ATXN2: variants seen among roughly 807,000 people sequenced by gnomAD.
ATXN2 encodes the protein ataxin-2.
In ATXN2, 37 loss-of-function variants were observed where a neutral mutation model predicts 138.6. The ratio of observed to expected loss-of-function variants is 0.27; its 90% CI spans 0.21 to 0.35. The LOEUF is 0.35. Among genes scored for constraint, ATXN2 ranks in the 10% least tolerant of loss-of-function variants. The probability of loss-of-function intolerance (pLI) is 1.00; values close to 1 mark genes in which losing one functional copy is unlikely to be tolerated. For missense variants in ATXN2, 1,216 were observed against 1,480.3 expected, an observed-to-expected ratio of 0.82 and a Z score of 2.93; for synonymous variants, 549 against 543.7, an observed-to-expected ratio of 1.01 and a Z score of -0.13.
rs1390894824 is a variant in ATXN2, at chr12:111,598,419, G to A, written c.251+365C>T. 7.1e-6 allele frequency: 7 copies of A among 985,564 alleles called. No individual in the cohort carries two copies. Among genetic ancestry groups the A allele is most frequent in the African/African-American group, 5.2e-5 (3 of 57,242 alleles). 61.1% of individuals were successfully genotyped at this position (985,564 alleles called of 1,614,324 possible). ...TAAACCGGGAGTGGAGGAGCTGCCC[G>A]AGCATCCCCACGCTGCGGGCGGAGG... On this transcript the variant is annotated intron_variant, in intron 1 of 24. Transcript: ENST00000673436. The surrounding 1 kb of genome is among the most constrained non-coding windows in gnomAD (Gnocchi z 4.5).
At chr12:111,585,046 C>T (rs1884248541) in intron 1 of ATXN2, among the ~76,000 whole-genome samples, 1 of 152,176 alleles carries the variant, frequency 6.6e-6, no homozygotes, top group Non-Finnish European at 1.5e-5. Flanking sequence ...TAATGTGTTT[C>T]ACAATCTACT....
At chr12:111,560,413 G>A (rs1882618026) in intron 1 of ATXN2, among the ~76,000 whole-genome samples, 1 of 151,972 alleles carries the variant, frequency 6.6e-6, no homozygotes, top group African/African-American at 2.4e-5. Flanking sequence ...ATCCAACGGG[G>A]GGGTCCTGGG....
chr12:111,475,206 T>A (rs767114204), intron 18 of ATXN2, among the ~76,000 whole-genome samples: 1 of 150,930 alleles, frequency 6.6e-6, no homozygotes, highest in Non-Finnish European at 1.5e-5. Context: ...AGAGCGAGAC[T>A]CTGTCTCAAA....
intron 14 of ATXN2, among the ~76,000 whole-genome samples, chr12:111,490,408 T>C (rs969814063): frequency 7.9e-5 from 12 of 152,054 alleles, no homozygotes; most frequent in African/African-American, 2.9e-4. Context: ...GGGACCGTCA[T>C]GGAGGCTGGA....
At chr12:111,481,436 C>T (rs1296660671) in intron 18 of ATXN2, among the ~76,000 whole-genome samples, 1 of 151,612 alleles carries the variant, frequency 6.6e-6, no homozygotes, top group Non-Finnish European at 1.5e-5. Context: ...GATCTCAAAA[C>T]AATACAAAAA....
At chr12:111,494,420 G>T (rs902298341) in intron 14 of ATXN2, among the ~76,000 whole-genome samples, 17 of 148,656 alleles carry the variant, frequency 1.1e-4, no homozygotes, top group African/African-American at 3.9e-4. Flanking sequence ...ACCCTTATGT[G>T]ATCTCTTTTT....
At chr12:111,492,919 A>G (rs1042392315) in intron 14 of ATXN2, among the ~76,000 whole-genome samples, 3 of 152,172 alleles carry the variant, frequency 2.0e-5, no homozygotes, top group Non-Finnish European at 4.4e-5. Flanking sequence ...AGAAAGTTCA[A>G]CGAAATCCAA....
At chr12:111,538,711 T>G (rs1050543540) in intron 5 of ATXN2, among the ~76,000 whole-genome samples, 1 of 150,352 alleles carries the variant, frequency 6.7e-6, no homozygotes, top group African/African-American at 2.4e-5. Flanking sequence ...ACTTAAAATT[T>G]GAACTGAAAA....
In ATXN2 at chr12:111,598,482, C is replaced by A. The variant is rs1885052581; in HGVS notation, c.251+302G>T. The A allele has an allele frequency of 1.0e-6, 1 of 985,256 alleles. No homozygotes were observed. The highest frequency in any genetic ancestry group is 1.2e-6 in the Non-Finnish European group (1 of 829,904). 61.0% of individuals were successfully genotyped at this position (985,256 alleles called of 1,614,324 possible). A position where few individuals can be genotyped will look rare whatever the true frequency, so the allele number is the denominator to read the frequency against. On this transcript the variant is annotated intron_variant, in intron 1 of 24. Transcript: ENST00000673436. The surrounding 1 kb of genome is among the most constrained non-coding windows in gnomAD (Gnocchi z 4.5). The stretch of plus-strand genomic sequence containing the variant: ...GGGGAGCCGGGGCTGACCATCGCCG[C>A]TACCCGAGAACCCCTCCCAACACGC...
chr12:111,513,580 T>C (rs372071388), intron 10 of ATXN2, 41 bp from the exon 11 acceptor site: 31 of 1,572,682 alleles, frequency 2.0e-5, no homozygotes, highest in Non-Finnish European at 2.4e-5. Context: ...TTCCATGATA[T>C]TCATCAGTAC....
At chr12:111,505,732 C>T (rs10849953) in intron 14 of ATXN2, among the ~76,000 whole-genome samples, 10,930 of 152,214 alleles carry the variant, frequency 0.072, 1,354 homozygotes, top group East Asian at 0.57. Context: ...AACCCTCATA[C>T]CCTGCTGGTG....
intron 1 of ATXN2, among the ~76,000 whole-genome samples, chr12:111,567,636 A>G (rs1883088113): frequency 6.6e-6 from 1 of 152,046 alleles, no homozygotes; most frequent in Admixed American, 6.6e-5. Flanking sequence ...CAATATGGTG[A>G]AACCCCATCT....
intron 21 of ATXN2, among the ~76,000 whole-genome samples, chr12:111,459,256 A>G (rs1015895281): frequency 6.6e-6 from 1 of 152,220 alleles, no homozygotes; most frequent in Non-Finnish European, 1.5e-5. Context: ...CCATAAGTCT[A>G]TAAGACAGTC....
intron 14 of ATXN2, among the ~76,000 whole-genome samples, chr12:111,506,249 C>T (rs1210132074): frequency 4.6e-5 from 7 of 151,948 alleles, no homozygotes; most frequent in African/African-American, 1.7e-4. Flanking sequence ...AAACTGGGCA[C>T]GGGGTTTCTT....
chr12:111,553,096 A>G (rs1016117583), intron 3 of ATXN2, 119 bp from the exon 4 acceptor site: 3 of 522,134 alleles, frequency 5.7e-6, no homozygotes, highest in Non-Finnish European at 6.3e-6. Flanking sequence ...GTATTCACTA[A>G]CAAAACAATA....
intron 17 of ATXN2, 74 bp from the exon 18 acceptor site, chr12:111,485,405 T>C: frequency 7.2e-7 from 1 of 1,393,938 alleles, no homozygotes; most frequent in Non-Finnish European, 1.0e-6. Flanking sequence ...CTCTTAGTTT[T>C]ATATTGCTAG....
intron 5 of ATXN2, among the ~76,000 whole-genome samples, chr12:111,536,385 TAC>T: frequency 6.6e-6 from 1 of 152,240 alleles, no homozygotes; most frequent in Admixed American, 6.5e-5. Flanking sequence ...AAAAAAAATC[TAC>T]AGTGAGATAC....
At position 111,592,989 on chromosome 12, in the gene ATXN2, T is replaced by C. The variant is rs533301385; in HGVS notation, c.251+5795A>G. Among the ~76,000 whole-genome samples the C allele has an allele frequency of 4.6e-5, 7 of 151,936 alleles. No homozygotes were observed. The South Asian group carries it at 1.2e-3, about 27-fold the overall frequency. On this transcript the variant is annotated intron_variant, in intron 1 of 24. Coordinates refer to ENST00000673436, the MANE Select transcript of ATXN2 (RefSeq NM_001372574.1). ...AGAACAATCTTCTAAAACCTTAAAA[T>C]TCGTTTCAAAGTAAAAAAACAATAC...
intron 18 of ATXN2, among the ~76,000 whole-genome samples, chr12:111,479,468 G>A (rs1244899317): frequency 6.7e-6 from 1 of 149,516 alleles, no homozygotes; most frequent in Non-Finnish European, 1.5e-5. Flanking sequence ...TGTAATCCCA[G>A]CTACTTGGGA....
Sources: allele counts gnomAD v4.1 joint callset (sites outside exome capture counted in the v4.1 genomes callset), GRCh38; gene constraint gnomAD v4.1.1; non-coding constraint Gnocchi (gnomAD v3.1); transcripts MANE v1.5; gene names NCBI Gene and HGNC (gene_info 2026-07-23, HGNC 2026-07-21).